GPSM1: variants seen among roughly 807,000 people sequenced by gnomAD.
The protein encoded by GPSM1 is G protein signaling modulator 1.
A neutral mutation model predicts 70.5 loss-of-function variants in GPSM1; 48 were observed. The ratio of observed to expected loss-of-function variants is 0.68; its 90% CI spans 0.54 to 0.87. GPSM1 has a LOEUF of 0.87. Ranked by LOEUF, GPSM1 falls within the 40% of genes least tolerant of loss-of-function variation. The pLI, the probability that GPSM1 is intolerant of heterozygous loss-of-function variation, is 0.00. For synonymous variants in GPSM1, 416 were observed against 430.1 expected, an observed-to-expected ratio of 0.97 and a Z score of 0.41; for missense variants, 981 against 972.6, an observed-to-expected ratio of 1.01 and a Z score of -0.11.
rs1554769860 is a variant in GPSM1 at position 136,339,724 on chromosome 9, C to T, written c.992C>T (p.Ala331Val). Residue 331 changes from alanine to valine, a missense_variant, in exon 8 of 14, where the codon GCG (alanine) becomes GTG (valine). Transcript: ENST00000440944. ...ELADRVGEGR[A>V]CWSLGNAYVS... ...TCTGGCAGAGTGGGCGAGGGCCGGG[C>T]GTGCTGGAGCCTGGGAAATGCCTAC... is the stretch of plus-strand genomic sequence containing the variant. 4 of 1,549,638 alleles carry T rather than the reference C, an allele frequency of 2.6e-6. No homozygotes were observed. The highest frequency in any genetic ancestry group is 1.2e-5 in the South Asian group (1 of 84,044).
At chr9:136,356,576 G>T (rs1380228589) in intron 13 of GPSM1, 26 bp downstream of exon 13, 1 of 1,557,208 alleles carries the variant, frequency 6.4e-7, no homozygotes, top group African/African-American at 1.4e-5. Flanking sequence ...GGGCGGGCGT[G>T]GCTCGCGGCC....
At chr9:136,353,829 C>T (rs1344073894) in intron 11 of GPSM1, among the ~76,000 whole-genome samples, 1 of 152,140 alleles carries the variant, frequency 6.6e-6, no homozygotes, top group South Asian at 2.1e-4. Context: ...GACCAGGAGG[C>T]CACATCCTCC....
rs1832917129 is a variant in GPSM1 at position 136,358,814 on chromosome 9, G to A, written c.*594G>A. 6.4e-6 allele frequency: 1 copy of A among 157,378 alleles called. No individual in the cohort carries two copies. The highest frequency in any genetic ancestry group is 1.9e-4 in the East Asian group (1 of 5,210). The allele number at this position is 157,378 out of a possible 1,614,324, so 9.7% of individuals were successfully genotyped here. A position where few individuals can be genotyped will look rare whatever the true frequency, so the allele number is the denominator to read the frequency against. ...ACCAGGCTGCAGTGGCAGCCCTGAG[G>A]TGCCCCCCGCCGAGTCCCAGGGCCC... On this transcript the variant is annotated 3_prime_UTR_variant, in exon 14 of 14. Transcript: ENST00000440944.
At chr9:136,350,785 C>A (rs1406453086) in intron 11 of GPSM1, among the ~76,000 whole-genome samples, 9 of 152,216 alleles carry the variant, frequency 5.9e-5, no homozygotes, top group African/African-American at 2.2e-4. Flanking sequence ...AGCCAGGAGC[C>A]CCCCGCGTTG....
rs1477343404 is a variant in GPSM1, at chr9:136,340,245, A to G, written c.1083+430A>G. On this transcript the variant is annotated intron_variant, in intron 8 of 13. Transcript: ENST00000440944. The surrounding 1 kb of genome is among the most constrained non-coding windows in gnomAD (Gnocchi z 7.3). ...GGTGCCAGCCCCTACTGACCACCAT[A>G]GACCCATGTAGGAGGTGGCCGGGTG... Among the ~76,000 whole-genome samples the G allele has an allele frequency of 6.6e-6, 1 of 152,122 alleles. No homozygotes were observed.
At chr9:136,356,915 C>T (rs1393344765) in intron 13 of GPSM1, among the ~76,000 whole-genome samples, 1 of 152,176 alleles carries the variant, frequency 6.6e-6, no homozygotes, top group Admixed American at 6.5e-5. Flanking sequence ...GCAGGGAAAA[C>T]ACGGGCCAGA....
chr9:136,349,508 T>G, intron 10 of GPSM1, 79 bp from the exon 11 acceptor site: 1 of 1,305,282 alleles, frequency 7.7e-7, no homozygotes, highest in Non-Finnish European at 1.1e-6. Flanking sequence ...GGAGGCGGCC[T>G]GGCCTTCCCT....
Position 136,336,034 on chromosome 9 carries a change from G to A in GPSM1, c.359G>A (p.Gly120Glu), listed in dbSNP as rs572795345. The change falls in exon 3 of 14, where the codon GGG (glycine) becomes GAG (glutamate). Residue 120 changes from glycine (G) to glutamate (E), a missense_variant. Coordinates refer to ENST00000440944, the MANE Select transcript of GPSM1 (RefSeq NM_001145638.3). Reference protein sequence around the residue: ...GNLGNTLKVLGRFDEAAVCCQ... With the variant: ...GNLGNTLKVLERFDEAAVCCQ... Reference sequence around the variant, plus strand: ...CTGGGAAACACACTCAAGGTCCTGGGGCGCTTCGACGAGGCTGCCGTCTGC... The same window carrying A: ...CTGGGAAACACACTCAAGGTCCTGGAGCGCTTCGACGAGGCTGCCGTCTGC... 1 of 1,612,542 alleles carries A rather than the reference G, an allele frequency of 6.2e-7. No homozygotes were observed. The highest frequency in any genetic ancestry group is 1.3e-5 in the African/African-American group (1 of 75,054).
At chr9:136,331,848 C>T in intron 1 of GPSM1, 1 of 395,478 alleles carries the variant, frequency 2.5e-6, no homozygotes, top group Non-Finnish European at 4.5e-6. Context: ...GGGGAGGCCC[C>T]CGAGCACCTG....
chr9:136,348,784 G>T lies in GPSM1; in HGVS notation c.1278+17G>T. ...CTGGAGCGGGTGAGCCAGGGACACG[G>T]GACCGATGTCAGCACAGCCGCTGCC... On this transcript the variant is annotated intron_variant, in intron 10 of 13. Transcript: ENST00000440944. 6.3e-7 allele frequency: 1 copy of T among 1,595,844 alleles called. No individual in the cohort carries two copies. The highest frequency in any genetic ancestry group is 8.6e-7 in the Non-Finnish European group (1 of 1,165,702).
At position 136,359,273 on chromosome 9, in the gene GPSM1, G is replaced by T. The variant is rs535928630; in HGVS notation, c.*1053G>T. ...CAGACCCAGCCTTGGCACCTCCCAA[G>T]ACTGCCAAGGGCCCTACCATGGCCC... On this transcript the variant is annotated 3_prime_UTR_variant, in exon 14 of 14. Transcript: ENST00000440944. 2 of 152,334 alleles carry T rather than the reference G, an allele frequency of 1.3e-5. No individual in the cohort carries two copies. The highest frequency in any genetic ancestry group is 3.9e-4 in the East Asian group (2 of 5,180). The allele number at this position is 152,334 out of a possible 1,614,324, so 9.4% of individuals were successfully genotyped here. A position where few individuals can be genotyped will look rare whatever the true frequency, so the allele number is the denominator to read the frequency against.
In GPSM1 at chr9:136,357,995, C is replaced by T; in HGVS notation, c.1822-19C>T. 6.2e-7 allele frequency: 1 copy of T among 1,605,158 alleles called. No homozygotes were observed. The highest frequency in any genetic ancestry group is 8.5e-7 in the Non-Finnish European group (1 of 1,173,160). The stretch of plus-strand genomic sequence containing the variant: ...GGGGCTGGGGGGGTGAGGCCGCCAA[C>T]TGCACTGTGTCCACCCAGTCCTCCA... On this transcript the variant is annotated intron_variant, in intron 13 of 13. Transcript: ENST00000440944.
chr9:136,341,420 C>G lies in GPSM1; in HGVS notation c.1207+427C>G. On this transcript the variant is annotated intron_variant, in intron 9 of 13. Coordinates refer to ENST00000440944, the MANE Select transcript of GPSM1 (RefSeq NM_001145638.3). This position sits in a 1 kb window ranked among gnomAD's most constrained non-coding sequence, Gnocchi z 6.7. ...CTGTGGGAGCCCTATGTGCCTGGGG[C>G]AGTAATCAGGCAAGGCCCAAGGCCA... 7.1e-7 allele frequency: 1 copy of G among 1,414,286 alleles called. No individual in the cohort carries two copies. The highest frequency in any genetic ancestry group is 9.2e-7 in the Non-Finnish European group (1 of 1,088,558). 87.6% of individuals were successfully genotyped at this position (1,414,286 alleles called of 1,614,324 possible).
chr9:136,358,651 G>T lies in GPSM1; in HGVS notation c.*431G>T. 4.0e-6 allele frequency: 1 copy of T among 247,460 alleles called. No homozygotes were observed. The allele number at this position is 247,460 out of a possible 1,614,324, so 15.3% of individuals were successfully genotyped here. On this transcript the variant is annotated 3_prime_UTR_variant, in exon 14 of 14. Coordinates refer to ENST00000440944, the MANE Select transcript of GPSM1 (RefSeq NM_001145638.3). ...GGCCATGTTCTGTCCCCCCAGAGCTGGTCTTGGGATGGCCGTGTGACAGGC... is the reference window on the plus strand; with the variant it reads ...GGCCATGTTCTGTCCCCCCAGAGCTTGTCTTGGGATGGCCGTGTGACAGGC...
Position 136,334,610 on chromosome 9 carries a change from T to C in GPSM1, c.232T>C (p.Tyr78His). 1 of 1,613,262 alleles carries C rather than the reference T, an allele frequency of 6.2e-7. No homozygotes were observed. ...IYSQLGNAYF[Y>H]LKEHGRALEY... is the part of the protein sequence containing the mutation. ...CAGCCAGCTGGGCAACGCCTACTTC[T>C]ACCTGAAGGAGCACGGCCGGGCGCT... Residue 78 changes from tyrosine to histidine, a missense_variant, in exon 2 of 14, where the codon TAC becomes CAC. Physicochemically the swap from Tyr to His is moderately conservative, Grantham distance 83. Transcript: ENST00000440944.
chr9:136,352,149 C>T (rs1337904831), intron 11 of GPSM1, among the ~76,000 whole-genome samples: 1 of 143,414 alleles, frequency 7.0e-6, no homozygotes, highest in Non-Finnish European at 1.5e-5. Context: ...AATGCTGCGC[C>T]GTTGCTGTTG....
rs1036589858 is a variant in GPSM1, at chr9:136,342,254, C to G, written c.1207+1261C>G. 2.0e-4 allele frequency among the ~76,000 whole-genome samples: 31 copies of G among 152,256 alleles called. No homozygotes were observed. Among genetic ancestry groups the G allele is most frequent in the African/African-American group, 7.2e-4 (30 of 41,538 alleles). ...CCCTAGTACCCTCCTGTGTCCCTGG[C>G]TCGGCACTGCCACCATCTGGGACCC... On this transcript the variant is annotated intron_variant, in intron 9 of 13. Transcript: ENST00000440944. The surrounding 1 kb of genome is among the most constrained non-coding windows in gnomAD (Gnocchi z 5.5).
Position 136,342,587 on chromosome 9 carries a change from A to T in GPSM1, c.1207+1594A>T, listed in dbSNP as rs1221919437. ...TGCCGCTGTGGGAGGCAGGCTGCAC[A>T]CCTAGAGCCTGGGCGGCCCTGGGTG... is the stretch of plus-strand genomic sequence containing the variant. On this transcript the variant is annotated intron_variant, in intron 9 of 13. Coordinates refer to ENST00000440944, the MANE Select transcript of GPSM1 (RefSeq NM_001145638.3). This position sits in a 1 kb window ranked among gnomAD's most constrained non-coding sequence, Gnocchi z 5.5. Among the ~76,000 whole-genome samples, 1 of 151,972 alleles carries T rather than the reference A, an allele frequency of 6.6e-6. No homozygotes were observed. Among genetic ancestry groups the T allele is most frequent in the Non-Finnish European group, 1.5e-5 (1 of 67,942 alleles).
At chr9:136,331,869 G>A in intron 1 of GPSM1, 1 of 396,434 alleles carries the variant, frequency 2.5e-6, no homozygotes. Context: ...CTGGAGGACT[G>A]GCAGTCCCCC....
Sources: allele counts gnomAD v4.1 joint callset (sites outside exome capture counted in the v4.1 genomes callset), GRCh38; gene constraint gnomAD v4.1.1; non-coding constraint Gnocchi (gnomAD v3.1); transcripts MANE v1.5; gene names NCBI Gene and HGNC (gene_info 2026-07-23, HGNC 2026-07-21).